The following HS6ST2 variants were observed in gnomAD, a reference collection of about 807,000 sequenced individuals.
The protein encoded by HS6ST2 is heparan sulfate 6-O-sulfotransferase 2.
Under a neutral mutation model 33.0 loss-of-function variants are expected in HS6ST2, and 17 were observed. The observed-to-expected ratio is 0.52, with a 90% CI of 0.35 to 0.77. The LOEUF is 0.77. Among genes scored for constraint, HS6ST2 ranks in the 30% least tolerant of loss-of-function variants. The pLI, the probability that HS6ST2 is intolerant of heterozygous loss-of-function variation, is 0.01. For synonymous variants in HS6ST2, 248 were observed against 237.1 expected, an observed-to-expected ratio of 1.05 and a Z score of -0.42; for missense variants, 519 against 551.7, an observed-to-expected ratio of 0.94 and a Z score of 0.59.
At chrX:132,756,020 G>A (rs756795838) in intron 2 of HS6ST2, among the ~76,000 whole-genome samples, 33 of 111,526 alleles carry the variant, frequency 3.0e-4, no homozygotes, top group Non-Finnish European at 4.9e-4. Flanking sequence ...ATGGAGCCAC[G>A]TATTAAAGCC....
rs910435797 is a variant in HS6ST2, at chrX:132,683,098, G to A, written c.981-13899C>T. On this transcript the variant is annotated intron_variant, in intron 3 of 4. Transcript: ENST00000370833. Reference sequence around the variant, plus strand: ...CACTGCACTCCAGCCTGGGCGACAGGGTGAGACCCTGTCTCAATCAATCAA... The same window carrying A: ...CACTGCACTCCAGCCTGGGCGACAGAGTGAGACCCTGTCTCAATCAATCAA... 3.6e-5 allele frequency among the ~76,000 whole-genome samples: 4 copies of A among 110,620 alleles called. No individual in the cohort carries two copies. In the Admixed American group the frequency reaches 3.8e-4, roughly 11 times the overall value.
At chrX:132,638,155 C>T (rs2063576100) in intron 4 of HS6ST2, among the ~76,000 whole-genome samples, 1 of 103,592 alleles carries the variant, frequency 9.7e-6, no homozygotes, top group South Asian at 4.2e-4. Flanking sequence ...CTAAAGCAAC[C>T]ACATGGATCC....
chrX:132,746,983 C>T lies in HS6ST2; in HGVS notation c.948-38489G>A, dbSNP rs1349341779. Among the ~76,000 whole-genome samples the T allele has an allele frequency of 4.5e-5, 5 of 112,330 alleles. No homozygotes were observed. The Admixed American group carries it at 4.7e-4, about 11-fold the overall frequency. On this transcript the variant is annotated intron_variant, in intron 2 of 4. Coordinates refer to ENST00000370833, the MANE Select transcript of HS6ST2 (RefSeq NM_001394073.1). ...GTCAAACTTTTGTTACCATGGGAAT[C>T]TGAGTCCTCGGTCATTTAAAAAACA...
intron 2 of HS6ST2, among the ~76,000 whole-genome samples, chrX:132,869,988 C>T (rs1290511943): frequency 9.0e-6 from 1 of 111,507 alleles, no homozygotes; most frequent in African/African-American, 3.3e-5. Context: ...TCTCTGTTTG[C>T]AGATGACATG....
chrX:132,915,464 G>C (rs981972364), intron 2 of HS6ST2, among the ~76,000 whole-genome samples: 5 of 111,930 alleles, frequency 4.5e-5, no homozygotes, highest in Non-Finnish European at 7.5e-5. Context: ...AACATTGAAT[G>C]AGTAAATCAG....
chrX:132,957,864 G>C (rs1242104786), intron 1 of HS6ST2, among the ~76,000 whole-genome samples: 1 of 112,172 alleles, frequency 8.9e-6, no homozygotes, highest in Non-Finnish European at 1.9e-5. Flanking sequence ...GCCCGCGCCC[G>C]CTTGCCCACC....
chrX:132,825,675 GA>G (rs2065510490), intron 2 of HS6ST2, among the ~76,000 whole-genome samples: 1 of 111,814 alleles, frequency 8.9e-6, no homozygotes, highest in Non-Finnish European at 1.9e-5. Context: ...AAAATGCAAA[GA>G]ATTTGATACA....
At chrX:132,809,171 T>A (rs1431392440) in intron 2 of HS6ST2, among the ~76,000 whole-genome samples, 3 of 111,479 alleles carry the variant, frequency 2.7e-5, no homozygotes, top group African/African-American at 6.5e-5. Context: ...GTATTTTTAG[T>A]AGAGACTGGG....
At chrX:132,797,740 G>A (rs2065196099) in intron 2 of HS6ST2, among the ~76,000 whole-genome samples, 1 of 110,597 alleles carries the variant, frequency 9.0e-6, no homozygotes, top group Non-Finnish European at 1.9e-5. Flanking sequence ...GGCCGGGTGC[G>A]GTGGCTTATG....
At chrX:132,901,203 A>G (rs960730499) in intron 2 of HS6ST2, among the ~76,000 whole-genome samples, 4 of 112,008 alleles carry the variant, frequency 3.6e-5, no homozygotes, top group Non-Finnish European at 7.5e-5. Context: ...CAGCCTTGTG[A>G]GAGACCTTGA....
chrX:132,669,418 G>T (rs925297373), intron 3 of HS6ST2: 3 of 286,740 alleles, frequency 1.0e-5, no homozygotes, highest in Admixed American at 7.1e-5. Context: ...CAAGTTCAAA[G>T]AAAGCTATCC....
chrX:132,724,057 G>A (rs1041707791), intron 2 of HS6ST2, among the ~76,000 whole-genome samples: 7 of 111,835 alleles, frequency 6.3e-5, no homozygotes, highest in East Asian at 5.6e-4. Flanking sequence ...GGAGAATGGC[G>A]TGAACCTGGG....
chrX:132,934,097 A>G (rs1279793977), intron 2 of HS6ST2, among the ~76,000 whole-genome samples: 3 of 110,550 alleles, frequency 2.7e-5, no homozygotes, highest in Non-Finnish European at 3.8e-5. Context: ...ATAACAAAAT[A>G]CAGTATAAAT....
intron 3 of HS6ST2, among the ~76,000 whole-genome samples, chrX:132,684,292 C>T (rs1434235066): frequency 7.9e-5 from 8 of 101,440 alleles, no homozygotes; most frequent in African/African-American, 1.8e-4. Flanking sequence ...TATATATACA[C>T]GCACACACAT....
intron 3 of HS6ST2, among the ~76,000 whole-genome samples, chrX:132,702,238 T>A (rs1484394525): frequency 1.8e-5 from 2 of 112,728 alleles, no homozygotes; most frequent in Non-Finnish European, 3.7e-5. Context: ...ACACTAATTT[T>A]AACAATAGCT....
intron 2 of HS6ST2, among the ~76,000 whole-genome samples, chrX:132,911,924 A>G (rs1048565558): frequency 1.4e-4 from 16 of 111,392 alleles, no homozygotes; most frequent in African/African-American, 4.9e-4. Flanking sequence ...GGCGTCAGCC[A>G]CCACACCTGG....
chrX:132,947,521 T>G (rs912078415), intron 2 of HS6ST2, among the ~76,000 whole-genome samples: 2 of 111,700 alleles, frequency 1.8e-5, no homozygotes, highest in Non-Finnish European at 3.8e-5. Flanking sequence ...TACACAGTGA[T>G]CTGTTTATGC....
intron 2 of HS6ST2, among the ~76,000 whole-genome samples, chrX:132,821,219 T>C (rs1180062528): frequency 2.9e-5 from 3 of 103,674 alleles, no homozygotes; most frequent in Non-Finnish European, 4.0e-5. Flanking sequence ...TCTTTTTTTT[T>C]TTTTTTTTTT....
intron 2 of HS6ST2, among the ~76,000 whole-genome samples, chrX:132,735,703 C>T (rs1038837339): frequency 2.7e-5 from 3 of 111,921 alleles, no homozygotes; most frequent in South Asian, 3.8e-4. Context: ...GGCCCGAGGA[C>T]GCCACAGAGA....
Sources: allele counts gnomAD v4.1 joint callset (sites outside exome capture counted in the v4.1 genomes callset), GRCh38; gene constraint gnomAD v4.1.1; transcripts MANE v1.5; gene names NCBI Gene and HGNC (gene_info 2026-07-23, HGNC 2026-07-21).